Variants in HTT observed in about 807,000 individuals in gnomAD.
HTT encodes the protein huntingtin, also known as huntington disease protein.
Under a neutral mutation model 362.3 loss-of-function variants are expected in HTT, and 104 were observed. That is an observed-to-expected ratio of 0.29 (90% CI 0.24 to 0.34). The LOEUF (loss-of-function observed/expected upper bound fraction) is 0.34. Ranked by LOEUF, HTT falls within the 10% of genes least tolerant of loss-of-function variation. The pLI, the probability that HTT is intolerant of heterozygous loss-of-function variation, is 1.00. For synonymous variants in HTT, 1,577 were observed against 1,548.7 expected (o/e 1.02, Z -0.43); for missense variants, 3,301 against 3,928.6 (o/e 0.84, Z 4.27).
intron 60 of HTT, 22 bp from the exon 61 acceptor site, chr4:3,233,141 G>A (rs767251887): frequency 1.3e-6 from 2 of 1,563,558 alleles, no homozygotes; most frequent in Non-Finnish European, 1.7e-6. Flanking sequence ...GCATGCAGCA[G>A]CTTTTGTCTG....
At chr4:3,128,058 G>A (rs1209183345) in intron 12 of HTT, among the ~76,000 whole-genome samples, 2 of 152,056 alleles carry the variant, frequency 1.3e-5, no homozygotes, top group African/African-American at 4.8e-5. Flanking sequence ...TCAGCCTCCT[G>A]AGTAGGTGGG....
intron 3 of HTT, among the ~76,000 whole-genome samples, chr4:3,101,503 G>A (rs966662747): frequency 4.6e-5 from 7 of 152,260 alleles, no homozygotes; most frequent in Non-Finnish European, 1.0e-4. Context: ...CAGAGTAGGG[G>A]GAGGCGTGGG....
rs1230252865 is a variant in HTT at position 3,148,057 on chromosome 4, C to T, written c.3348C>T (p.Asn1116=). The T allele has an allele frequency of 2.5e-6, 4 of 1,614,032 alleles. No homozygotes were observed. Among genetic ancestry groups the T allele is most frequent in the Non-Finnish European group, 1.7e-6 (2 of 1,180,016 alleles). ...RSSWASEEEA[N]PAATKQEEVW... is the part of the protein sequence containing the mutation. ...CATGGGCCTCTGAAGAAGAAGCCAA[C>T]CCAGCAGCCACCAAGCAAGAGGAGG... Residue 1116 remains asparagine (N), a synonymous_variant, in exon 26 of 67, where the codon AAC becomes AAT. Transcript: ENST00000355072.
rs114011553 is a variant in HTT at position 3,127,639 on chromosome 4, T to A, written c.1743+35T>A. The A allele has an allele frequency of 9.7e-4, 1,427 of 1,475,238 alleles. 10 individuals are homozygous for A. In the African/African-American group the frequency reaches 0.017, roughly 17 times the overall value. 91.4% of individuals were successfully genotyped at this position (1,475,238 alleles called of 1,614,324 possible). A position where few individuals can be genotyped will look rare whatever the true frequency, so the allele number is the denominator to read the frequency against. On this transcript the variant is annotated intron_variant, in intron 12 of 66. Coordinates refer to ENST00000355072, the MANE Select transcript of HTT (RefSeq NM_001388492.1). The stretch of plus-strand genomic sequence containing the variant: ...CAGAGGGGCCTGACATCTTTTTTTT[T>A]ATTTTTTATTTGAGACAGAGTCTCA...
Position 3,116,092 on chromosome 4 carries a change from C to A in HTT, c.897C>A (p.Leu299=). 1.2e-6 allele frequency: 2 copies of A among 1,609,180 alleles called. No individual in the cohort carries two copies. The highest frequency in any genetic ancestry group is 1.1e-5 in the South Asian group (1 of 90,874). Residue 299 remains leucine, a synonymous_variant, in exon 8 of 67, where the codon CTC becomes CTA. Coordinates refer to ENST00000355072, the MANE Select transcript of HTT (RefSeq NM_001388492.1). ...TTGCTTCCACCCCCACAGGCTTACT[C>A]GTTCCTGTCGAGGATGAACACTCCA... is the stretch of plus-strand genomic sequence containing the variant. ...SWLLNVLLGL[L]VPVEDEHSTL...
intron 40 of HTT, among the ~76,000 whole-genome samples, chr4:3,199,222 C>G (rs983652205): frequency 2.0e-5 from 3 of 152,330 alleles, no homozygotes; most frequent in Admixed American, 1.3e-4. Context: ...AGGAGGAATG[C>G]TAGCTTTCTT....
At chr4:3,082,877 T>G (rs1712992309) in intron 1 of HTT, among the ~76,000 whole-genome samples, 1 of 152,078 alleles carries the variant, frequency 6.6e-6, no homozygotes, top group African/African-American at 2.4e-5. Flanking sequence ...TTAGATGAAC[T>G]GGAAGGACCC....
In HTT at chr4:3,099,350, G is replaced by T. The variant is rs752654123; in HGVS notation, c.424G>T (p.Asp142Tyr). The stretch of plus-strand genomic sequence containing the variant: ...GCTGTGCAGTGATGACGCAGAGTCA[G>T]ATGTCAGGATGGTGGCTGACGAATG... ...FLLCSDDAESDVRMVADECLN... is the reference protein window; with the variant it reads ...FLLCSDDAESYVRMVADECLN... Residue 142 changes from aspartate to tyrosine, a missense_variant, in exon 3 of 67, where the codon GAT becomes TAT. Around this residue, in one of 4 missense-constraint regions of HTT, gnomAD observed 2,316 missense variants for 2,658.5 expected, o/e 0.87. Transcript: ENST00000355072. The T allele has an allele frequency of 1.2e-6, 2 of 1,613,850 alleles. No homozygotes were observed. The highest frequency in any genetic ancestry group is 1.7e-6 in the Non-Finnish European group (2 of 1,179,680).
chr4:3,080,239 C>T (rs761775542), intron 1 of HTT, among the ~76,000 whole-genome samples: 5 of 151,950 alleles, frequency 3.3e-5, no homozygotes, highest in African/African-American at 4.8e-5. Context: ...GGATTACAGG[C>T]GTATACCACC....
chr4:3,199,774 G>T lies in HTT; in HGVS notation c.5411G>T (p.Arg1804Leu). The T allele has an allele frequency of 1.2e-6, 2 of 1,614,116 alleles. No individual in the cohort carries two copies. The highest frequency in any genetic ancestry group is 1.1e-5 in the South Asian group (1 of 91,080). ...RITAAATRLF[R>L]SDGCGGSFYT... ...ACAGCAGCTGCCACTAGGCTGTTCC[G>T]CAGTGATGGCTGTGGCGGCAGTTTC... The change falls in exon 41 of 67, where the codon CGC (arginine) becomes CTC (leucine). Residue 1804 changes from arginine to leucine, a missense_variant. Transcript: ENST00000355072.
At chr4:3,200,420 G>A (rs978040223) in intron 41 of HTT, among the ~76,000 whole-genome samples, 5 of 152,290 alleles carry the variant, frequency 3.3e-5, no homozygotes, top group Admixed American at 3.3e-4. Context: ...CGTTATGGGT[G>A]GCCCTCTTTT....
At chr4:3,094,072 C>CA (rs1438675215) in intron 2 of HTT, among the ~76,000 whole-genome samples, 1 of 151,924 alleles carries the variant, frequency 6.6e-6, no homozygotes, top group African/African-American at 2.4e-5. Context: ...CCACGTTCTG[C>CA]AGTGTTTGTG....
intron 6 of HTT, among the ~76,000 whole-genome samples, chr4:3,111,436 C>T (rs1319512808): frequency 2.6e-5 from 4 of 152,102 alleles, no homozygotes; most frequent in South Asian, 2.1e-4. Context: ...TCAGGTGATC[C>T]GCCTGCCTTG....
rs778984110 is a variant in HTT at position 3,130,060 on chromosome 4, C to T, written c.1867+13C>T. 1 of 1,586,260 alleles carries T rather than the reference C, an allele frequency of 6.3e-7. No homozygotes were observed. The highest frequency in any genetic ancestry group is 2.2e-5 in the East Asian group (1 of 44,662). On this transcript the variant is annotated intron_variant, in intron 13 of 66. Coordinates refer to ENST00000355072, the MANE Select transcript of HTT (RefSeq NM_001388492.1). ...AACTCTTCCATGGGTATGTGGACTA[C>T]AGGTGATGCGCTACAAAGTGGTTTG...
At position 3,142,851 on chromosome 4, in the gene HTT, C is replaced by A; in HGVS notation, c.3031C>A (p.His1011Asn). ...NLSRVIAAVS[H>N]ELITSTTRAL... is the part of the protein sequence containing the mutation. ...TTCAAGAGTTATTGCAGCAGTTTCT[C>A]ATGAACTAATCACATCAACCACCAG... Residue 1011 changes from histidine to asparagine, a missense_variant, in exon 23 of 67, where the codon CAT becomes AAT. This residue lies in a region of HTT where 2,316 missense variants were observed against 2,658.5 expected (regional missense o/e 0.87). Coordinates refer to ENST00000355072, the MANE Select transcript of HTT (RefSeq NM_001388492.1). The A allele has an allele frequency of 6.2e-7, 1 of 1,611,916 alleles. No individual in the cohort carries two copies. Among genetic ancestry groups the A allele is most frequent in the Non-Finnish European group, 8.5e-7 (1 of 1,178,084 alleles).
At chr4:3,194,580 T>C (rs1360750890) in intron 40 of HTT, among the ~76,000 whole-genome samples, 2 of 152,192 alleles carry the variant, frequency 1.3e-5, no homozygotes, top group African/African-American at 4.8e-5. Context: ...CTTGTGCTCT[T>C]CCCTGCCTGC....
intron 2 of HTT, among the ~76,000 whole-genome samples, chr4:3,088,250 G>T (rs1475904800): frequency 1.1e-4 from 16 of 148,082 alleles, no homozygotes; most frequent in African/African-American, 4.0e-4. Context: ...GCAGTGGCAT[G>T]ATCTTGGCTT....
chr4:3,108,229 A>G (rs1714539006), intron 6 of HTT, among the ~76,000 whole-genome samples: 1 of 152,202 alleles, frequency 6.6e-6, no homozygotes, highest in Non-Finnish European at 1.5e-5. Context: ...TACTGCTCTT[A>G]TTAGCTGAAT....
At chr4:3,174,409 C>G (rs976685037) in intron 31 of HTT, among the ~76,000 whole-genome samples, 1 of 152,188 alleles carries the variant, frequency 6.6e-6, no homozygotes, top group Non-Finnish European at 1.5e-5. Flanking sequence ...TGACCTTCAC[C>G]TTTCTCTCAA....
Sources: allele counts gnomAD v4.1 joint callset (sites outside exome capture counted in the v4.1 genomes callset), GRCh38; gene constraint gnomAD v4.1.1; regional missense constraint gnomAD v4.1.1; transcripts MANE v1.5; gene names NCBI Gene and HGNC (gene_info 2026-07-23, HGNC 2026-07-21).